ICOS: variants seen among roughly 807,000 people sequenced by gnomAD.
The protein encoded by ICOS is inducible T cell costimulator.
ICOS carries 15 observed loss-of-function variants against 24.6 expected under a neutral mutation model. The ratio of observed to expected loss-of-function variants is 0.61; its 90% CI spans 0.41 to 0.94. The LOEUF (loss-of-function observed/expected upper bound fraction) is 0.94, where lower values mean the gene tolerates loss of function less well. Among genes scored for constraint, ICOS ranks in the 40% least tolerant of loss-of-function variants. The pLI is 0.00. For missense variants in ICOS, 200 were observed against 233.0 expected (o/e 0.86, Z 0.92); for synonymous variants, 89 against 77.5 (o/e 1.15, Z -0.78).
intron 3 of ICOS, among the ~76,000 whole-genome samples, chr2:203,957,552 C>T (rs189872695): frequency 6.6e-6 from 1 of 152,238 alleles, no homozygotes; most frequent in South Asian, 2.1e-4. Context: ...AATGAGATAG[C>T]GCCCATGGTC....
At chr2:203,940,108 T>C (rs970146455) in intron 1 of ICOS, among the ~76,000 whole-genome samples, 3 of 152,196 alleles carry the variant, frequency 2.0e-5, no homozygotes, top group Non-Finnish European at 2.9e-5. Context: ...AGAATCTTAA[T>C]TGAATGTCTA....
chr2:203,940,058 G>A (rs1214779997), intron 1 of ICOS, among the ~76,000 whole-genome samples: 1 of 151,994 alleles, frequency 6.6e-6, no homozygotes, highest in Non-Finnish European at 1.5e-5. Context: ...TTGGAAGGTC[G>A]ACTACAGTTC....
chr2:203,940,856 T>C (rs1223695586), intron 1 of ICOS, among the ~76,000 whole-genome samples: 1 of 152,120 alleles, frequency 6.6e-6, no homozygotes, highest in African/African-American at 2.4e-5. Flanking sequence ...CAATCTCGGC[T>C]TACTGCAACC....
chr2:203,948,130 G>A (rs1218601427), intron 1 of ICOS, among the ~76,000 whole-genome samples: 1 of 152,174 alleles, frequency 6.6e-6, no homozygotes, highest in Non-Finnish European at 1.5e-5. Flanking sequence ...GAACCCAGTG[G>A]ATATTTGAAG....
chr2:203,948,771 C>T (rs1053869816), intron 1 of ICOS, among the ~76,000 whole-genome samples: 2 of 152,098 alleles, frequency 1.3e-5, no homozygotes, highest in South Asian at 2.1e-4. Flanking sequence ...GAAGAAGTGT[C>T]ATTACTCTTG....
intron 1 of ICOS, among the ~76,000 whole-genome samples, chr2:203,954,605 G>T (rs1456614631): frequency 6.6e-6 from 1 of 151,874 alleles, no homozygotes; most frequent in Non-Finnish European, 1.5e-5. Flanking sequence ...GAAAAGAAAA[G>T]AAAAGAAAGA....
chr2:203,954,121 G>A (rs11571323), intron 1 of ICOS, among the ~76,000 whole-genome samples: 20,493 of 151,974 alleles, frequency 0.13, 1,478 homozygotes, highest in South Asian at 0.25. Context: ...TATTAAAAAG[G>A]AAAATAAAAC....
At chr2:203,953,721 C>A (rs1559035358) in intron 1 of ICOS, among the ~76,000 whole-genome samples, 1 of 152,104 alleles carries the variant, frequency 6.6e-6, no homozygotes, top group Non-Finnish European at 1.5e-5. Context: ...ATAATATTTA[C>A]ATAAAAGCAA....
intron 1 of ICOS, among the ~76,000 whole-genome samples, chr2:203,954,325 TCTGTAATCCTAGCA>T (rs1320388965): frequency 2.0e-5 from 3 of 152,180 alleles, no homozygotes; most frequent in East Asian, 1.9e-4. Context: ...GTGGTTCACG[TCTGTAATCCTAGCA>T]CTTTAAGAGG....
chr2:203,942,733 T>C lies in ICOS; in HGVS notation c.58+5861T>C, dbSNP rs1689799733. On this transcript the variant is annotated intron_variant, in intron 1 of 4. Coordinates refer to ENST00000316386, the MANE Select transcript of ICOS (RefSeq NM_012092.4). Reference sequence around the variant, plus strand: ...TGTTAAAAGCTTCTTTTTGTTTTTTTATTTCGTAGCAAATCTCTTTAGCTC... The same window carrying C: ...TGTTAAAAGCTTCTTTTTGTTTTTTCATTTCGTAGCAAATCTCTTTAGCTC... Among the ~76,000 whole-genome samples, 4 of 152,376 alleles carry C rather than the reference T, an allele frequency of 2.6e-5. No individual in the cohort carries two copies. In the South Asian group the frequency reaches 8.3e-4, roughly 32 times the overall value.
intron 1 of ICOS, among the ~76,000 whole-genome samples, chr2:203,938,923 G>T (rs1559031658): frequency 1.3e-5 from 2 of 152,176 alleles, no homozygotes; most frequent in Admixed American, 1.3e-4. Flanking sequence ...TGCTAGCAAT[G>T]ATCCTATTTA....
chr2:203,955,746 A>T lies in ICOS; in HGVS notation c.169A>T (p.Lys57Ter). ...IVQQFKMQLLKGGQILCDLTK... is the reference protein window; with the variant it reads ...IVQQFKMQLL ...CCAGCAATTTAAAATGCAGTTGCTG[A>T]AAGGGGGGCAAATACTCTGCGATCT... The change falls in exon 2 of 5, where the codon AAA (lysine) becomes TAA (stop). Residue 57 changes from lysine to a stop codon, truncating the protein, a stop_gained. Transcript: ENST00000316386. LOFTEE classifies it high-confidence loss of function. 1 of 1,613,766 alleles carries T rather than the reference A, an allele frequency of 6.2e-7. No homozygotes were observed. Among genetic ancestry groups the T allele is most frequent in the Non-Finnish European group, 8.5e-7 (1 of 1,179,758 alleles).
At chr2:203,947,930 G>T (rs1031607720) in intron 1 of ICOS, among the ~76,000 whole-genome samples, 1 of 152,060 alleles carries the variant, frequency 6.6e-6, no homozygotes, top group Non-Finnish European at 1.5e-5. Context: ...AAACATCTTG[G>T]TATATTAGAA....
intron 1 of ICOS, among the ~76,000 whole-genome samples, 185 bp downstream of exon 1, chr2:203,937,057 T>C (rs1335912420): frequency 6.6e-6 from 1 of 152,124 alleles, no homozygotes; most frequent in African/African-American, 2.4e-5. Context: ...GAGTTTGCAT[T>C]GCTGCCTTTG....
intron 1 of ICOS, among the ~76,000 whole-genome samples, chr2:203,951,053 C>A (rs1049378972): frequency 2.0e-5 from 3 of 150,192 alleles, no homozygotes; most frequent in East Asian, 3.9e-4. Context: ...CAGAACAAGA[C>A]TCCATCTCAA....
intron 1 of ICOS, among the ~76,000 whole-genome samples, chr2:203,937,470 C>G (rs966447434): frequency 6.6e-6 from 1 of 151,956 alleles, no homozygotes; most frequent in African/African-American, 2.4e-5. Context: ...TTCTGGAGTC[C>G]CTGATTCCTT....
intron 1 of ICOS, among the ~76,000 whole-genome samples, chr2:203,954,436 A>G (rs996243728): frequency 6.6e-6 from 1 of 152,060 alleles, no homozygotes; most frequent in Non-Finnish European, 1.5e-5. Context: ...TTTCTTTTTC[A>G]AAGTTAGCCA....
At chr2:203,956,027 T>G (rs1216477202) in intron 2 of ICOS, 56 bp downstream of exon 2, 3 of 1,208,720 alleles carry the variant, frequency 2.5e-6, no homozygotes, top group Non-Finnish European at 2.4e-6. Flanking sequence ...TTTGACAACT[T>G]TTCTCACTAA....
At chr2:203,941,818 G>A (rs1689780837) in intron 1 of ICOS, among the ~76,000 whole-genome samples, 1 of 152,126 alleles carries the variant, frequency 6.6e-6, no homozygotes, top group African/African-American at 2.4e-5. Flanking sequence ...TAGGGGATAT[G>A]TCACACAAAT....
Sources: allele counts gnomAD v4.1 joint callset (sites outside exome capture counted in the v4.1 genomes callset), GRCh38; gene constraint gnomAD v4.1.1; transcripts MANE v1.5; gene names NCBI Gene and HGNC (gene_info 2026-07-23, HGNC 2026-07-21).